GFRAL: variants seen among roughly 807,000 people sequenced by gnomAD.
GFRAL encodes GDNF family receptor alpha-like.
Under a neutral mutation model 45.4 loss-of-function variants are expected in GFRAL, and 36 were observed. The observed-to-expected ratio is 0.79, with a 90% CI of 0.61 to 1.05. The LOEUF is 1.05. GFRAL is among the 50% of genes least tolerant of loss of function. GFRAL has a pLI of 0.00. For synonymous variants in GFRAL, 166 were observed against 154.1 expected (o/e 1.08, Z -0.57); for missense variants, 507 against 467.5 (o/e 1.08, Z -0.78).
At chr6:55,336,582 G>A (rs1767894104) in intron 3 of GFRAL, among the ~76,000 whole-genome samples, 1 of 151,992 alleles carries the variant, frequency 6.6e-6, no homozygotes, top group Non-Finnish European at 1.5e-5. Context: ...TTTTCTATAT[G>A]GACTTTATAG....
At chr6:55,350,215 C>A in intron 4 of GFRAL, 70 bp downstream of exon 4, 1 of 921,676 alleles carries the variant, frequency 1.1e-6, no homozygotes, top group Non-Finnish European at 1.8e-6. Flanking sequence ...AGTTACCAGG[C>A]TTCTTAAAGA....
intron 1 of GFRAL, among the ~76,000 whole-genome samples, chr6:55,330,842 A>T (rs1186210898): frequency 2.0e-4 from 31 of 152,182 alleles, no homozygotes; most frequent in Non-Finnish European, 1.5e-5. Context: ...ACTGACTAAT[A>T]AGTTAAACAA....
intron 3 of GFRAL, among the ~76,000 whole-genome samples, chr6:55,339,677 C>A (rs140407984): frequency 6.6e-6 from 1 of 152,052 alleles, no homozygotes. Flanking sequence ...AAGATAGGGA[C>A]TGATAATGGC....
intron 3 of GFRAL, among the ~76,000 whole-genome samples, chr6:55,346,042 C>T (rs1335206993): frequency 6.6e-6 from 1 of 152,192 alleles, no homozygotes; most frequent in East Asian, 1.9e-4. Flanking sequence ...CAGGAAACAA[C>T]AGGTGCTGGA....
intron 6 of GFRAL, among the ~76,000 whole-genome samples, chr6:55,382,021 C>T (rs1392884108): frequency 6.6e-6 from 1 of 151,888 alleles, no homozygotes; most frequent in African/African-American, 2.4e-5. Flanking sequence ...CTACACAAAA[C>T]TCTAATTCAA....
intron 6 of GFRAL, among the ~76,000 whole-genome samples, chr6:55,397,107 G>A (rs557896637): frequency 1.4e-4 from 22 of 152,154 alleles, no homozygotes; most frequent in African/African-American, 4.3e-4. Context: ...AAACTCCTGG[G>A]CTCAAGTGAT....
chr6:55,398,614 A>G (rs75193633), intron 6 of GFRAL, among the ~76,000 whole-genome samples: 6,539 of 152,266 alleles, frequency 0.043, 203 homozygotes, highest in African/African-American at 0.074. Context: ...GATTTCTAAA[A>G]TTGTGAGCTA....
At chr6:55,363,207 C>G (rs1054202787) in intron 6 of GFRAL, among the ~76,000 whole-genome samples, 2 of 151,916 alleles carry the variant, frequency 1.3e-5, no homozygotes, top group African/African-American at 2.4e-5. Flanking sequence ...AAGAGAGAGC[C>G]AATGTTCATA....
intron 2 of GFRAL, among the ~76,000 whole-genome samples, chr6:55,332,697 C>G (rs12200897): frequency 0.071 from 10,789 of 152,104 alleles, 409 homozygotes; most frequent in South Asian, 0.17. Context: ...GCTGGGATTG[C>G]AGGCGTGCAC....
intron 1 of GFRAL, among the ~76,000 whole-genome samples, chr6:55,328,921 AAAT>A (rs985667909): frequency 2.0e-5 from 3 of 152,084 alleles, no homozygotes; most frequent in African/African-American, 7.2e-5. Flanking sequence ...ATAATGAGGA[AAAT>A]GTCTGTTGGT....
intron 3 of GFRAL, among the ~76,000 whole-genome samples, chr6:55,335,446 A>C (rs931522284): frequency 2.6e-5 from 4 of 152,148 alleles, no homozygotes; most frequent in African/African-American, 9.7e-5. Flanking sequence ...AATTTTAAAA[A>C]TTTTGGTGAA....
intron 6 of GFRAL, among the ~76,000 whole-genome samples, chr6:55,389,544 C>G (rs1219642622): frequency 4.0e-5 from 6 of 150,642 alleles, no homozygotes; most frequent in African/African-American, 1.5e-4. Flanking sequence ...CTCATTTAAT[C>G]CTCACAAAAA....
In GFRAL at chr6:55,350,118, TG is replaced by T; in HGVS notation, c.345del (p.Trp115Ter). 1.3e-6 allele frequency: 2 copies of T among 1,542,476 alleles called. No homozygotes were observed. The highest frequency in any genetic ancestry group is 1.8e-6 in the Non-Finnish European group (2 of 1,116,126). On this transcript the variant is annotated frameshift_variant, in exon 4 of 9. Coordinates refer to ENST00000340465, the MANE Select transcript of GFRAL (RefSeq NM_207410.2). LOFTEE classifies it high-confidence loss of function. ...TAACGTGAAAGAGGATAAATTCAAA[TG>T]GAATCTAACTACACGTTCCCATCAT... ...SDNVKEDKFK[W>X]NLTTRSHHGF...
At chr6:55,389,212 AT>A (rs1382721206) in intron 6 of GFRAL, among the ~76,000 whole-genome samples, 4 of 152,096 alleles carry the variant, frequency 2.6e-5, no homozygotes, top group African/African-American at 9.7e-5. Context: ...CCTAGTACCC[AT>A]TAGTTATTTT....
At chr6:55,329,139 T>G (rs2127348970) in intron 1 of GFRAL, among the ~76,000 whole-genome samples, 1 of 152,208 alleles carries the variant, frequency 6.6e-6, no homozygotes, top group African/African-American at 2.4e-5. Context: ...TAGTTTGGAA[T>G]GAATAAGACA....
intron 5 of GFRAL, 63 bp from the exon 6 acceptor site, chr6:55,358,825 A>T: frequency 6.8e-7 from 1 of 1,470,028 alleles, no homozygotes; most frequent in South Asian, 1.2e-5. Context: ...GTGAGGGGGG[A>T]TCACATGTTA....
intron 3 of GFRAL, among the ~76,000 whole-genome samples, chr6:55,345,235 A>G (rs528970564): frequency 6.6e-5 from 10 of 152,210 alleles, no homozygotes; most frequent in Non-Finnish European, 1.3e-4. Context: ...CGCATTGCCA[A>G]GACAATCCTA....
intron 3 of GFRAL, among the ~76,000 whole-genome samples, chr6:55,343,599 A>G (rs564957525): frequency 2.0e-5 from 3 of 152,214 alleles, no homozygotes; most frequent in Non-Finnish European, 4.4e-5. Flanking sequence ...TTGACACCCT[A>G]ACATCACAAT....
chr6:55,359,095 G>C lies in GFRAL; in HGVS notation c.909G>C (p.Leu303Phe). ...CCATTACACAAAGTGAGGAATCTTT[G>C]TGTAAGATTTTCCAGCACATGCTTC... The part of the protein sequence containing the change: ...CRTITQSEES[L>F]CKIFQHMLHR... Residue 303 changes from leucine to phenylalanine, a missense_variant, in exon 6 of 9, where the codon TTG (leucine) becomes TTC (phenylalanine). Coordinates refer to ENST00000340465, the MANE Select transcript of GFRAL (RefSeq NM_207410.2). The C allele has an allele frequency of 1.2e-6, 2 of 1,612,488 alleles. No individual in the cohort carries two copies. The highest frequency in any genetic ancestry group is 1.7e-6 in the Non-Finnish European group (2 of 1,179,086).
Sources: allele counts gnomAD v4.1 joint callset (sites outside exome capture counted in the v4.1 genomes callset), GRCh38; gene constraint gnomAD v4.1.1; transcripts MANE v1.5; gene names NCBI Gene and HGNC (gene_info 2026-07-23, HGNC 2026-07-21).